Variants in DNAH11 observed in about 807,000 individuals in gnomAD.
The protein encoded by DNAH11 is dynein axonemal heavy chain 11, also known as axonemal beta dynein heavy chain 11.
A neutral mutation model predicts 526.0 loss-of-function variants in DNAH11; 442 were observed. The observed-to-expected ratio is 0.84, with a 90% CI of 0.78 to 0.91. The LOEUF (loss-of-function observed/expected upper bound fraction) is 0.91, where lower values mean the gene tolerates loss of function less well. Among genes scored for constraint, DNAH11 ranks in the 40% least tolerant of loss-of-function variants. DNAH11 has a pLI of 0.00. For missense variants in DNAH11, 6,989 were observed against 5,448.7 expected (o/e 1.28, Z -8.90); for synonymous variants, 2,461 against 1,935.9 (o/e 1.27, Z -7.12).
chr7:21,719,839 A>G (rs1784807960), intron 43 of DNAH11, among the ~76,000 whole-genome samples: 1 of 152,224 alleles, frequency 6.6e-6, no homozygotes, highest in African/African-American at 2.4e-5. Context: ...CGTTGCCTGC[A>G]AAAACTGGGG....
At chr7:21,659,384 T>G (rs1374967591) in intron 30 of DNAH11, among the ~76,000 whole-genome samples, 3 of 151,556 alleles carry the variant, frequency 2.0e-5, no homozygotes, top group Non-Finnish European at 4.4e-5. Context: ...ATGGTGGAGG[T>G]TGGCTCAGCA....
intron 73 of DNAH11, among the ~76,000 whole-genome samples, chr7:21,870,639 C>T (rs1783461659): frequency 2.0e-5 from 3 of 152,100 alleles, no homozygotes; most frequent in African/African-American, 7.2e-5. Flanking sequence ...CTCAAAAGAA[C>T]GTATTCAAAA....
At chr7:21,821,725 C>G (rs1790058781) in intron 65 of DNAH11, among the ~76,000 whole-genome samples, 1 of 151,900 alleles carries the variant, frequency 6.6e-6, no homozygotes, top group African/African-American at 2.4e-5. Context: ...CAGTTCTTCT[C>G]TTCTAGCTAT....
chr7:21,743,193 C>T (rs145401541), intron 49 of DNAH11, among the ~76,000 whole-genome samples: 202 of 152,290 alleles, frequency 1.3e-3, no homozygotes, highest in African/African-American at 4.5e-3. Context: ...TGTCTGGGCT[C>T]TTTAGATTGA....
chr7:21,839,683 A>G lies in DNAH11; in HGVS notation c.10692-2861A>G, dbSNP rs182917971. Among the ~76,000 whole-genome samples the G allele has an allele frequency of 2.6e-3, 391 of 152,322 alleles. 6 individuals are homozygous for G. Among genetic ancestry groups the G allele is most frequent in the Non-Finnish European group, 3.0e-3 (207 of 68,028 alleles). Reference sequence around the variant, plus strand: ...TCCTCTTGGAAAACAATTAAATAGTAGGAGGTACTGACAAGGTAAAAACAA... The same window carrying G: ...TCCTCTTGGAAAACAATTAAATAGTGGGAGGTACTGACAAGGTAAAAACAA... On this transcript the variant is annotated intron_variant, in intron 65 of 81. Coordinates refer to ENST00000409508, the MANE Select transcript of DNAH11 (RefSeq NM_001277115.2).
intron 61 of DNAH11, among the ~76,000 whole-genome samples, chr7:21,796,633 C>T (rs1171086546): frequency 6.6e-6 from 1 of 152,152 alleles, no homozygotes; most frequent in East Asian, 1.9e-4. Flanking sequence ...TCACCTGGAA[C>T]AAATAGTAAA....
chr7:21,626,176 T>TA (rs527851584), intron 25 of DNAH11, among the ~76,000 whole-genome samples: 12 of 152,164 alleles, frequency 7.9e-5, no homozygotes, highest in South Asian at 2.1e-4. Flanking sequence ...ACCCGCTTTT[T>TA]AAAAAAAATT....
Position 21,601,107 on chromosome 7 carries a change from T to C in DNAH11, c.3353T>C (p.Val1118Ala), listed in dbSNP as rs753277227. ...AAGGTGGACATGAAGCCTTTCAAAG[T>C]GAGCTTGTTAACCATAATTAAGAAA... ...WFKVDMKPFK[V>A]SLLTIIKKWS... Residue 1118 changes from valine to alanine, a missense_variant, in exon 17 of 82, where the codon GTG (valine) becomes GCG (alanine). Val to Ala is a moderately conservative substitution (Grantham distance 64). Transcript: ENST00000409508. 13 of 1,610,188 alleles carry C rather than the reference T, an allele frequency of 8.1e-6. No individual in the cohort carries two copies. Among genetic ancestry groups the C allele is most frequent in the Admixed American group, 1.7e-5 (1 of 58,992 alleles).
At chr7:21,583,082 A>G (rs1343317658) in intron 9 of DNAH11, among the ~76,000 whole-genome samples, 3 of 152,344 alleles carry the variant, frequency 2.0e-5, no homozygotes, top group Middle Eastern at 3.4e-3. Flanking sequence ...ATTAGAAAAA[A>G]CTACTTTAAA....
Position 21,795,257 on chromosome 7 carries a change from C to T in DNAH11, c.10027-5880C>T, listed in dbSNP as rs149473946. Among the ~76,000 whole-genome samples, 651 of 152,292 alleles carry T rather than the reference C, an allele frequency of 4.3e-3. 2 individuals are homozygous for T. Among genetic ancestry groups the T allele is most frequent in the Non-Finnish European group, 7.8e-3 (529 of 68,030 alleles). Reference sequence around the variant, plus strand: ...CCAGTTGGCTGCTAGGTTTGGTGTGCGGATCCTAGTACCTAGTACCTAGTG... The same window carrying T: ...CCAGTTGGCTGCTAGGTTTGGTGTGTGGATCCTAGTACCTAGTACCTAGTG... On this transcript the variant is annotated intron_variant, in intron 61 of 81. Transcript: ENST00000409508.
chr7:21,665,844 T>G (rs1782401242), intron 30 of DNAH11, among the ~76,000 whole-genome samples: 1 of 152,128 alleles, frequency 6.6e-6, no homozygotes, highest in Non-Finnish European at 1.5e-5. Context: ...CACTAACATG[T>G]ATATTACAGA....
intron 55 of DNAH11, among the ~76,000 whole-genome samples, chr7:21,772,242 C>T (rs939209270): frequency 3.3e-5 from 5 of 152,148 alleles, no homozygotes; most frequent in Non-Finnish European, 7.4e-5. Context: ...CTTCCATCCC[C>T]GATTTACAAA....
intron 55 of DNAH11, among the ~76,000 whole-genome samples, chr7:21,771,299 C>G (rs2127977544): frequency 6.6e-6 from 1 of 152,186 alleles, no homozygotes; most frequent in East Asian, 1.9e-4. Flanking sequence ...GGTATAAAAT[C>G]CTAAACTGAT....
rs766125174 is a variant in DNAH11, at chr7:21,861,972, G to A, written c.11322G>A (p.Gln3774=). ...ATGCTGTCTTCCTCTACACCAGCCA[G>A]GCGCTGTTTGAGAAGGACAAGCTCA... ...ITHAVFLYTS[Q]ALFEKDKLTF... is the part of the protein sequence containing the mutation. Residue 3774 remains glutamine, a synonymous_variant, in exon 69 of 82, where the codon CAG becomes CAA. Transcript: ENST00000409508. 1 of 1,613,762 alleles carries A rather than the reference G, an allele frequency of 6.2e-7. No homozygotes were observed. Among genetic ancestry groups the A allele is most frequent in the Non-Finnish European group, 8.5e-7 (1 of 1,179,808 alleles).
At position 21,884,385 on chromosome 7, in the gene DNAH11, T is replaced by C; in HGVS notation, c.12482T>C (p.Leu4161Ser). 6.2e-7 allele frequency: 1 copy of C among 1,612,896 alleles called. No homozygotes were observed. The change falls in exon 76 of 82, where the codon TTA becomes TCA. Residue 4161 changes from leucine to serine, a missense_variant. Leu to Ser is a moderately radical substitution (Grantham distance 145, BLOSUM62 -2). Transcript: ENST00000409508. ...GATCGCAAACTGTGTCGGGTGTATT[T>C]AGAAGAATTCATGAATCCATCTCTG... ...DWDRKLCRVY[L>S]EEFMNPSLTE... is the part of the protein sequence containing the mutation.
At chr7:21,688,980 C>G (rs1436301974) in intron 34 of DNAH11, among the ~76,000 whole-genome samples, 1 of 152,124 alleles carries the variant, frequency 6.6e-6, no homozygotes, top group Non-Finnish European at 1.5e-5. Context: ...TTTTCAATGT[C>G]CCAAGGATTA....
In DNAH11 at chr7:21,638,699, T is replaced by G. The variant is rs1449406933; in HGVS notation, c.4818-240T>G. 2.1e-4 allele frequency among the ~76,000 whole-genome samples: 29 copies of G among 138,606 alleles called. 1 individual carries two copies. The highest frequency in any genetic ancestry group is 9.4e-4 in the African/African-American group (29 of 30,926). The allele number at this position is 138,606 out of a possible 152,430, so 90.9% of individuals were successfully genotyped here. ...TTAGCCACAGCTAATGGGGTGTGTG[T>G]GTGTGTGTGTGTGTGTGTGTGTGTG... is the stretch of plus-strand genomic sequence containing the variant. On this transcript the variant is annotated intron_variant, in intron 27 of 81. Transcript: ENST00000409508.
At chr7:21,613,456 CATA>C (rs1397572948) in intron 20 of DNAH11, among the ~76,000 whole-genome samples, 1 of 151,998 alleles carries the variant, frequency 6.6e-6, no homozygotes, top group Non-Finnish European at 1.5e-5. Context: ...TAAAATGTTT[CATA>C]ATAAAACATT....
At chr7:21,651,491 T>C (rs1781771137) in intron 28 of DNAH11, among the ~76,000 whole-genome samples, 1 of 151,940 alleles carries the variant, frequency 6.6e-6, no homozygotes, top group African/African-American at 2.4e-5. Flanking sequence ...GCCTCCGGAG[T>C]AGCTGGAATT....
Sources: allele counts gnomAD v4.1 joint callset (sites outside exome capture counted in the v4.1 genomes callset), GRCh38; gene constraint gnomAD v4.1.1; transcripts MANE v1.5; gene names NCBI Gene and HGNC (gene_info 2026-07-23, HGNC 2026-07-21).